Variants in ADAM18 observed in about 807,000 individuals in gnomAD.
ADAM18 encodes ADAM metallopeptidase domain 18.
In ADAM18, 117 loss-of-function variants were observed where a neutral mutation model predicts 94.4. That is an observed-to-expected ratio of 1.24 (90% CI 1.07 to 1.45). The LOEUF (loss-of-function observed/expected upper bound fraction) is 1.45, where lower values mean the gene tolerates loss of function less well. ADAM18 is among the 40% of genes most tolerant of loss of function. The pLI is 0.00. For missense variants in ADAM18, 936 were observed against 880.0 expected (o/e 1.06, Z -0.81); for synonymous variants, 327 against 291.6 (o/e 1.12, Z -1.24).
intron 19 of ADAM18, among the ~76,000 whole-genome samples, chr8:39,728,790 T>C (rs1429038318): frequency 6.6e-6 from 1 of 152,192 alleles, no homozygotes; most frequent in African/African-American, 2.4e-5. Context: ...TTCTACAAAC[T>C]GGAGAAGACA....
At chr8:39,655,591 G>A (rs1820662412) in intron 12 of ADAM18, among the ~76,000 whole-genome samples, 1 of 152,018 alleles carries the variant, frequency 6.6e-6, no homozygotes, top group African/African-American at 2.4e-5. Context: ...CAGAAATGAG[G>A]CAGTGATATC....
chr8:39,614,445 C>A (rs2129578609), intron 6 of ADAM18, among the ~76,000 whole-genome samples: 1 of 152,192 alleles, frequency 6.6e-6, no homozygotes, highest in South Asian at 2.1e-4. Context: ...TCCACCAGAC[C>A]CTGCTTTACA....
intron 2 of ADAM18, among the ~76,000 whole-genome samples, chr8:39,597,061 T>C (rs1818764967): frequency 6.6e-6 from 1 of 152,170 alleles, no homozygotes; most frequent in African/African-American, 2.4e-5. Flanking sequence ...ATATGTCTTA[T>C]TTGCTTGACA....
intron 16 of ADAM18, among the ~76,000 whole-genome samples, chr8:39,688,265 T>C (rs1398200118): frequency 6.6e-6 from 1 of 152,144 alleles, no homozygotes; most frequent in Non-Finnish European, 1.5e-5. Context: ...CAGGGGTACA[T>C]GTGAAGGTTT....
rs748275190 is a variant in ADAM18, at chr8:39,638,489, G to T, written c.852G>T (p.Val284=). The change falls in exon 10 of 20, where the codon GTG becomes GTT. Residue 284 remains valine (V), a synonymous_variant. Transcript: ENST00000265707. The stretch of plus-strand genomic sequence containing the variant: ...GTTACAGGAAACATCCTAAATATGT[G>T]GGAGCAACATTTCCTGGCACTGTAT... The part of the protein sequence containing the change: ...LLVYRKHPKY[V]GATFPGTVCN... 3 of 1,569,086 alleles carry T rather than the reference G, an allele frequency of 1.9e-6. No individual in the cohort carries two copies. In the South Asian group the frequency reaches 3.7e-5, roughly 19 times the overall value.
intron 19 of ADAM18, among the ~76,000 whole-genome samples, chr8:39,728,498 T>A (rs890069284): frequency 2.0e-5 from 3 of 151,978 alleles, no homozygotes; most frequent in Non-Finnish European, 2.9e-5. Flanking sequence ...ACACAATAAA[T>A]CCTGAGGTAT....
chr8:39,669,766 T>A (rs1006528783), intron 14 of ADAM18, among the ~76,000 whole-genome samples: 3 of 152,234 alleles, frequency 2.0e-5, no homozygotes, highest in African/African-American at 7.2e-5. Context: ...ATAGTGCCAC[T>A]ATAAACATGC....
At chr8:39,587,282 G>A (rs1818433172) in intron 2 of ADAM18, among the ~76,000 whole-genome samples, 1 of 152,144 alleles carries the variant, frequency 6.6e-6, no homozygotes, top group Admixed American at 6.5e-5. Flanking sequence ...GCACAATGGT[G>A]TATCGTTAAC....
chr8:39,706,771 C>G lies in ADAM18; in HGVS notation c.1903-19C>G. 5 of 1,405,238 alleles carry G rather than the reference C, an allele frequency of 3.6e-6. No homozygotes were observed. The highest frequency in any genetic ancestry group is 5.0e-6 in the Non-Finnish European group (5 of 994,826). 87.0% of individuals were successfully genotyped at this position (1,405,238 alleles called of 1,614,324 possible). On this transcript the variant is annotated intron_variant, in intron 17 of 19. Transcript: ENST00000265707. Reference sequence around the variant, plus strand: ...AAGACTAAGACGACTCAAACTGTTTCTGTATTTTTCTGTTTCAGATATGTA... The same window carrying G: ...AAGACTAAGACGACTCAAACTGTTTGTGTATTTTTCTGTTTCAGATATGTA...
Position 39,609,670 on chromosome 8 carries a change from T to C in ADAM18, c.344+109T>C, listed in dbSNP as rs1222787395. 4.0e-5 allele frequency: 29 copies of C among 719,052 alleles called. No individual in the cohort carries two copies. The East Asian group carries it at 7.3e-4, about 18-fold the overall frequency. The allele number at this position is 719,052 out of a possible 1,614,324, so 44.5% of individuals were successfully genotyped here. On this transcript the variant is annotated intron_variant, in intron 5 of 19. Transcript: ENST00000265707. ...CATGGAAGTTTAAGGGAAATCAAAATGGAAAGTTTTCTTTCTAACAGCTTT... is the reference window on the plus strand; with the variant it reads ...CATGGAAGTTTAAGGGAAATCAAAACGGAAAGTTTTCTTTCTAACAGCTTT...
At chr8:39,708,501 A>T (rs1332763186) in intron 18 of ADAM18, among the ~76,000 whole-genome samples, 1 of 152,240 alleles carries the variant, frequency 6.6e-6, no homozygotes, top group Non-Finnish European at 1.5e-5. Context: ...ATATAAATGC[A>T]TTTCTTTAAG....
chr8:39,645,416 G>T lies in ADAM18; in HGVS notation c.988G>T (p.Asp330Tyr). 2 of 1,612,556 alleles carry T rather than the reference G, an allele frequency of 1.2e-6. No individual in the cohort carries two copies. The highest frequency in any genetic ancestry group is 1.7e-6 in the Non-Finnish European group (2 of 1,179,290). ...TGGCCTTAATGTAGGATTAACATAT[G>T]ATGACATCACTCAGTGTTTCTGTCT... ...LLGLNVGLTY[D>Y]DITQCFCLRA... The change falls in exon 11 of 20, where the codon GAT (aspartate) becomes TAT (tyrosine). Residue 330 changes from aspartate to tyrosine, a missense_variant. Physicochemically the swap from Asp to Tyr is radical, Grantham distance 160. Transcript: ENST00000265707.
intron 16 of ADAM18, among the ~76,000 whole-genome samples, chr8:39,688,168 A>G (rs1401865238): frequency 6.6e-6 from 1 of 151,980 alleles, no homozygotes; most frequent in Non-Finnish European, 1.5e-5. Context: ...ATGGTACCTC[A>G]TTGTGGTTTT....
intron 6 of ADAM18, among the ~76,000 whole-genome samples, chr8:39,615,336 A>G (rs1819405875): frequency 2.0e-5 from 3 of 152,170 alleles, no homozygotes; most frequent in African/African-American, 4.8e-5. Flanking sequence ...AAAGTCAGCA[A>G]CTTACTCCTG....
At chr8:39,633,118 C>T (rs1359992126) in intron 7 of ADAM18, among the ~76,000 whole-genome samples, 1 of 152,080 alleles carries the variant, frequency 6.6e-6, no homozygotes, top group East Asian at 1.9e-4. Context: ...GTTTGTGGAG[C>T]CTTGATGTGA....
At chr8:39,715,828 G>T (rs989296986) in intron 18 of ADAM18, among the ~76,000 whole-genome samples, 2 of 151,782 alleles carry the variant, frequency 1.3e-5, no homozygotes, top group Non-Finnish European at 2.9e-5. Context: ...AAGCTGTCAG[G>T]CCCAGATATA....
intron 18 of ADAM18, 131 bp downstream of exon 18, chr8:39,707,035 C>T: frequency 1.8e-6 from 1 of 571,314 alleles, no homozygotes; most frequent in Non-Finnish European, 3.1e-6. Context: ...GTGGGGGATA[C>T]ATTCTAAAAC....
At chr8:39,665,885 G>GA (rs979069636) in intron 13 of ADAM18, among the ~76,000 whole-genome samples, 9 of 151,800 alleles carry the variant, frequency 5.9e-5, no homozygotes, top group African/African-American at 1.9e-4. Context: ...AATAAAAGAA[G>GA]AAAAAAAATT....
At chr8:39,667,919 T>G in intron 13 of ADAM18, 79 bp from the exon 14 acceptor site, 1 of 1,405,464 alleles carries the variant, frequency 7.1e-7, no homozygotes, top group South Asian at 1.2e-5. Flanking sequence ...TAGAAACATT[T>G]TATGTGATAA....
Sources: gnomAD v4.1 joint callset for allele counts (sites outside exome capture counted in the v4.1 genomes callset) on GRCh38, gnomAD v4.1.1 for gene constraint, MANE v1.5 for transcripts, NCBI Gene and HGNC (gene_info 2026-07-23, HGNC 2026-07-21) for gene names.